HK1: variants seen among roughly 807,000 people sequenced by gnomAD.
HK1 encodes hexokinase-1.
Under a neutral mutation model 91.6 loss-of-function variants are expected in HK1, and 28 were observed. The observed-to-expected ratio is 0.31, with a 90% CI of 0.23 to 0.42. The LOEUF (loss-of-function observed/expected upper bound fraction) is 0.42, where lower values mean the gene tolerates loss of function less well. Ranked by LOEUF, HK1 falls within the 10% of genes least tolerant of loss-of-function variation. The pLI is 1.00. For synonymous variants in HK1, 430 were observed against 468.1 expected, an observed-to-expected ratio of 0.92 and a Z score of 1.05; for missense variants, 770 against 1,219.8, an observed-to-expected ratio of 0.63 and a Z score of 5.49.
intron 2 of HK1, among the ~76,000 whole-genome samples, chr10:69,347,218 C>T (rs924097813): frequency 5.3e-5 from 8 of 151,908 alleles, no homozygotes; most frequent in African/African-American, 1.9e-4. Flanking sequence ...GCCATGTTGG[C>T]CAAGCTGGTC....
At chr10:69,327,881 A>G (rs1847474427) in intron 1 of HK1, among the ~76,000 whole-genome samples, 1 of 152,200 alleles carries the variant, frequency 6.6e-6, no homozygotes, top group Non-Finnish European at 1.5e-5. Flanking sequence ...AGTCCCACGG[A>G]CTGAAGTTGA....
At chr10:69,351,929 T>C (rs1179328773) in intron 2 of HK1, among the ~76,000 whole-genome samples, 1 of 152,204 alleles carries the variant, frequency 6.6e-6, no homozygotes, top group Non-Finnish European at 1.5e-5. Context: ...AAAATGTTTC[T>C]GATATTCTAG....
intron 5 of HK1, among the ~76,000 whole-genome samples, chr10:69,301,896 A>G (rs1388666625): frequency 6.6e-6 from 1 of 152,208 alleles, no homozygotes; most frequent in African/African-American, 2.4e-5. Flanking sequence ...GGGGTGCCGA[A>G]TAGCCAAAAC....
At chr10:69,381,607 G>A (rs1053303235) in intron 9 of HK1, among the ~76,000 whole-genome samples, 58 of 150,098 alleles carry the variant, frequency 3.9e-4, no homozygotes, top group Middle Eastern at 3.4e-3. Flanking sequence ...GGAGTGGAGC[G>A]GAGTGGTGTG....
chr10:69,392,206 A>T lies in HK1; in HGVS notation c.2117A>T (p.Asn706Ile). ...GGGGACCAGGGGCAGATGTGCATCAACATGGAGTGGGGGGCCTTTGGGGAC... is the reference window on the plus strand; with the variant it reads ...GGGGACCAGGGGCAGATGTGCATCATCATGGAGTGGGGGGCCTTTGGGGAC... The part of the protein sequence containing the change: ...VEGDQGQMCI[N>I]MEWGAFGDNG... Residue 706 changes from asparagine (N) to isoleucine (I), a missense_variant, in exon 15 of 18, where the codon AAC (asparagine) becomes ATC (isoleucine). Asn to Ile is a moderately radical substitution (Grantham distance 149, BLOSUM62 -3). Coordinates refer to ENST00000359426, the MANE Select transcript of HK1 (RefSeq NM_000188.3). 2 of 1,614,202 alleles carry T rather than the reference A, an allele frequency of 1.2e-6. No individual in the cohort carries two copies. Among genetic ancestry groups the T allele is most frequent in the Non-Finnish European group, 1.7e-6 (2 of 1,180,024 alleles).
At chr10:69,382,385 A>G in intron 9 of HK1, 102 bp from the exon 10 acceptor site, 1 of 1,280,358 alleles carries the variant, frequency 7.8e-7, no homozygotes, top group Non-Finnish European at 1.1e-6. Context: ...AAAAAAAAGG[A>G]AAAGAAAAAA....
intron 1 of HK1, among the ~76,000 whole-genome samples, chr10:69,322,318 A>G (rs1847081503): frequency 6.6e-6 from 1 of 152,142 alleles, no homozygotes; most frequent in Admixed American, 6.5e-5. Context: ...GCCTTGAGGC[A>G]CATCAATAAT....
intron 4 of HK1, among the ~76,000 whole-genome samples, chr10:69,367,771 G>C (rs1419294578): frequency 6.6e-6 from 1 of 152,192 alleles, no homozygotes; most frequent in Non-Finnish European, 1.5e-5. Flanking sequence ...GCCCCATTCA[G>C]AGTAAAACAG....
intron 13 of HK1, chr10:69,386,693 A>G (rs755303067): frequency 8.3e-6 from 3 of 359,326 alleles, no homozygotes; most frequent in Non-Finnish European, 1.6e-5. Flanking sequence ...GAGGCAGAAG[A>G]ATCGCTTCAA....
At position 69,401,115 on chromosome 10, in the gene HK1, C is replaced by T. The variant is rs761964067; in HGVS notation, c.2734C>T (p.Arg912Cys). 9 of 1,614,008 alleles carry T rather than the reference C, an allele frequency of 5.6e-6. No individual in the cohort carries two copies. The highest frequency in any genetic ancestry group is 1.1e-5 in the South Asian group (1 of 91,082). Reference sequence around the variant, plus strand: ...CATCACGGCCGTGGGCGTGCGGTTACGCACAGAGGCAAGCAGCTAAGAGTC... The same window carrying T: ...CATCACGGCCGTGGGCGTGCGGTTATGCACAGAGGCAAGCAGCTAAGAGTC... ...ALITAVGVRLRTEASS is the reference protein window; with the variant it reads ...ALITAVGVRLCTEASS The change falls in exon 18 of 18, where the codon CGC becomes TGC. Residue 912 changes from arginine (R) to cysteine (C), a missense_variant. Arg to Cys is a radical substitution (Grantham distance 180). Coordinates refer to ENST00000359426, the MANE Select transcript of HK1 (RefSeq NM_000188.3).
At chr10:69,400,834 C>T (rs1589597570) in intron 17 of HK1, among the ~76,000 whole-genome samples, 157 bp from the exon 18 acceptor site, 1 of 152,244 alleles carries the variant, frequency 6.6e-6, no homozygotes, top group Non-Finnish European at 1.5e-5. Flanking sequence ...GTCTCTTTGA[C>T]TTCCGATGCT....
At chr10:69,307,696 GATCA>G (rs1481166844) in intron 5 of HK1, among the ~76,000 whole-genome samples, 2 of 152,002 alleles carry the variant, frequency 1.3e-5, no homozygotes, top group Non-Finnish European at 2.9e-5. Flanking sequence ...TTGTTTTAAG[GATCA>G]ATCAGTCAAT....
At position 69,347,230 on chromosome 10, in the gene HK1, C is replaced by T. The variant is rs12357558; in HGVS notation, c.226+3241C>T. ...TTTGCCATGTTGGCCAAGCTGGTCTCGAACTCCTGACCTCAGGTGATCCAC... is the reference window on the plus strand; with the variant it reads ...TTTGCCATGTTGGCCAAGCTGGTCTTGAACTCCTGACCTCAGGTGATCCAC... On this transcript the variant is annotated intron_variant, in intron 2 of 17. Transcript: ENST00000359426. Among the ~76,000 whole-genome samples the T allele has an allele frequency of 9.6e-4, 146 of 151,902 alleles. 1 individual carries two copies. The highest frequency in any genetic ancestry group is 3.4e-3 in the African/African-American group (142 of 41,410).
At chr10:69,319,307 G>A (rs1846869413) in intron 1 of HK1, 1 of 529,080 alleles carries the variant, frequency 1.9e-6, no homozygotes, top group Non-Finnish European at 3.4e-6. Context: ...GGCTGTGCGG[G>A]GAGGTGGCCG....
At chr10:69,315,840 G>A, upstream of HK1, 1 of 1,000,694 alleles carries the variant, frequency 1.0e-6, no homozygotes, top group Non-Finnish European at 1.6e-6. Flanking sequence ...TGGGCATCAG[G>A]ACTAGGCTGG....
chr10:69,306,254 A>G (rs952653741), intron 5 of HK1, among the ~76,000 whole-genome samples: 2 of 152,088 alleles, frequency 1.3e-5, no homozygotes, highest in African/African-American at 4.8e-5. Flanking sequence ...GCTACTCAGG[A>G]GGCTGAGGCA....
chr10:69,294,043 A>G (rs1453425389), intron 3 of HK1, among the ~76,000 whole-genome samples: 10 of 151,442 alleles, frequency 6.6e-5, no homozygotes, highest in African/African-American at 2.4e-4. Flanking sequence ...TTGTATTTTT[A>G]GTAGAGACGG....
chr10:69,384,683 T>A (rs547302895), intron 11 of HK1, 113 bp from the exon 12 acceptor site: 7 of 1,474,532 alleles, frequency 4.7e-6, no homozygotes, highest in Non-Finnish European at 5.7e-6. Flanking sequence ...TCACTCTGCA[T>A]GTGTGTGGGG....
At chr10:69,326,584 A>T (rs1847390504) in intron 1 of HK1, among the ~76,000 whole-genome samples, 1 of 152,170 alleles carries the variant, frequency 6.6e-6, no homozygotes, top group South Asian at 2.1e-4. Context: ...TTAATGTTTT[A>T]CCTTGGAACC....
Sources: gnomAD v4.1 joint callset for allele counts (sites outside exome capture counted in the v4.1 genomes callset) on GRCh38, gnomAD v4.1.1 for gene constraint, MANE v1.5 for transcripts, NCBI Gene and HGNC (gene_info 2026-07-23, HGNC 2026-07-21) for gene names.